Variants in FGF12 observed in about 807,000 individuals in gnomAD.
FGF12 encodes fibroblast growth factor 12B.
Under a neutral mutation model 23.6 loss-of-function variants are expected in FGF12, and 14 were observed. The observed-to-expected ratio is 0.59, with a 90% confidence interval of 0.39 to 0.93. FGF12 has a LOEUF of 0.93. Among genes scored for constraint, FGF12 ranks in the 40% least tolerant of loss-of-function variants. The pLI, the probability that FGF12 is intolerant of heterozygous loss-of-function variation, is 0.00. For synonymous variants in FGF12, 62 were observed against 77.3 expected (o/e 0.80, Z 1.04); for missense variants, 175 against 217.8 (o/e 0.80, Z 1.24).
intron 4 of FGF12, among the ~76,000 whole-genome samples, chr3:192,177,909 A>C (rs553111446): frequency 1.4e-4 from 22 of 152,284 alleles, no homozygotes; most frequent in Admixed American, 5.9e-4. Flanking sequence ...TTCCTTCATA[A>C]CTTGACCCTT....
chr3:192,463,486 C>A (rs1030095778), intron 2 of FGF12, among the ~76,000 whole-genome samples: 2 of 152,118 alleles, frequency 1.3e-5, no homozygotes, highest in African/African-American at 2.4e-5. Context: ...AAAGACATAC[C>A]TTGTTTCCAT....
chr3:192,222,394 T>C (rs1026923691), intron 4 of FGF12, among the ~76,000 whole-genome samples: 35 of 152,194 alleles, frequency 2.3e-4, no homozygotes, highest in African/African-American at 8.2e-4. Context: ...TTTACTTCTA[T>C]TCTGAAAAAT....
chr3:192,561,692 A>G (rs1439825595), intron 2 of FGF12, among the ~76,000 whole-genome samples: 1 of 152,178 alleles, frequency 6.6e-6, no homozygotes, highest in Admixed American at 6.5e-5. Flanking sequence ...ATACAGACCA[A>G]CTGCAACTCT....
chr3:192,171,864 T>G (rs1030478684), intron 4 of FGF12, among the ~76,000 whole-genome samples: 2 of 142,046 alleles, frequency 1.4e-5, no homozygotes, highest in Admixed American at 1.4e-4. Context: ...ATCTCCTTAT[T>G]TGTAGAGAGT....
chr3:192,721,236 A>C (rs1426425782), intron 2 of FGF12, among the ~76,000 whole-genome samples: 1 of 152,178 alleles, frequency 6.6e-6, no homozygotes, highest in Non-Finnish European at 1.5e-5. Context: ...AAAATGATGA[A>C]AGTCAGATTA....
At chr3:192,720,994 C>A (rs567091487) in intron 2 of FGF12, among the ~76,000 whole-genome samples, 16 of 152,240 alleles carry the variant, frequency 1.1e-4, no homozygotes, top group Admixed American at 6.5e-4. Flanking sequence ...ATCTCCATCC[C>A]CAAACCCATA....
At chr3:192,420,214 C>T (rs186051058) in intron 2 of FGF12, among the ~76,000 whole-genome samples, 5 of 152,198 alleles carry the variant, frequency 3.3e-5, no homozygotes, top group African/African-American at 7.2e-5. Context: ...GGGTGGAAAT[C>T]GTGCTATTAG....
At chr3:192,476,843 T>C (rs529761849) in intron 2 of FGF12, among the ~76,000 whole-genome samples, 3 of 152,224 alleles carry the variant, frequency 2.0e-5, no homozygotes, top group Admixed American at 6.5e-5. Flanking sequence ...AGCCATTGAA[T>C]GGCTCCTAAG....
chr3:192,367,628 C>T (rs1719040808), intron 2 of FGF12, among the ~76,000 whole-genome samples: 2 of 152,174 alleles, frequency 1.3e-5, no homozygotes, highest in South Asian at 4.1e-4. Context: ...AAAATTGCAA[C>T]TCTACTGATC....
At chr3:192,431,716 T>C (rs906993241) in intron 2 of FGF12, among the ~76,000 whole-genome samples, 10 of 152,220 alleles carry the variant, frequency 6.6e-5, no homozygotes, top group Admixed American at 1.3e-4. Context: ...TAGACTTGTA[T>C]CTAGACTTAG....
chr3:192,192,511 T>TTA (rs1451608290), intron 4 of FGF12, among the ~76,000 whole-genome samples: 3 of 148,492 alleles, frequency 2.0e-5, no homozygotes, highest in African/African-American at 7.3e-5. Flanking sequence ...TATATATAAA[T>TTA]TATATATATA....
chr3:192,410,715 A>C, intron 2 of FGF12, among the ~76,000 whole-genome samples: 1 of 152,162 alleles, frequency 6.6e-6, no homozygotes, highest in East Asian at 1.9e-4. Flanking sequence ...GTCCCTAAAA[A>C]GAGAGCCCAA....
At chr3:192,454,470 G>A (rs1722620652) in intron 2 of FGF12, among the ~76,000 whole-genome samples, 1 of 152,014 alleles carries the variant, frequency 6.6e-6, no homozygotes, top group African/African-American at 2.4e-5. Flanking sequence ...GTCTAGAAAT[G>A]TTATGCACTC....
At chr3:192,606,347 G>A (rs182822219) in intron 2 of FGF12, among the ~76,000 whole-genome samples, 467 of 152,136 alleles carry the variant, frequency 3.1e-3, no homozygotes, top group Non-Finnish European at 3.4e-3. Flanking sequence ...ATAGACGGCC[G>A]TAACTGACAC....
intron 2 of FGF12, among the ~76,000 whole-genome samples, chr3:192,608,381 A>T (rs1323499671): frequency 6.6e-6 from 1 of 152,150 alleles, no homozygotes; most frequent in Non-Finnish European, 1.5e-5. Flanking sequence ...ATTATTATGC[A>T]TTGCATGCCT....
intron 2 of FGF12, among the ~76,000 whole-genome samples, chr3:192,429,570 C>A (rs550058490): frequency 6.6e-6 from 1 of 152,078 alleles, no homozygotes; most frequent in Admixed American, 6.6e-5. Flanking sequence ...GAACTATGTG[C>A]CTACACTTTA....
chr3:192,304,134 T>C (rs1348410162), intron 4 of FGF12, among the ~76,000 whole-genome samples: 1 of 152,194 alleles, frequency 6.6e-6, no homozygotes, highest in East Asian at 1.9e-4. Context: ...TGTTGCTAAA[T>C]TGGAGACAGT....
At chr3:192,402,206 A>T (rs1173791519) in intron 2 of FGF12, among the ~76,000 whole-genome samples, 1 of 152,244 alleles carries the variant, frequency 6.6e-6, no homozygotes, top group African/African-American at 2.4e-5. Context: ...TGAAGCAATC[A>T]TTTATGTTTA....
At position 192,264,303 on chromosome 3, in the gene FGF12, G is replaced by C. The variant is rs1166379945; in HGVS notation, c.228+71058C>G. On this transcript the variant is annotated intron_variant, in intron 4 of 5. Coordinates refer to ENST00000445105, the MANE Select transcript of FGF12 (RefSeq NM_004113.6). The stretch of plus-strand genomic sequence containing the variant: ...CAATAAAATGACTTTCAAAAAGGAA[G>C]ACTTTTCCTAAAAGCTAAATAATAC... Among the ~76,000 whole-genome samples the C allele has an allele frequency of 2.0e-5, 3 of 151,976 alleles. No individual in the cohort carries two copies. The East Asian group carries it at 5.8e-4, about 29-fold the overall frequency.
Sources: allele counts gnomAD v4.1 joint callset (sites outside exome capture counted in the v4.1 genomes callset), GRCh38; gene constraint gnomAD v4.1.1; transcripts MANE v1.5; gene names NCBI Gene and HGNC (gene_info 2026-07-23, HGNC 2026-07-21).